The following SRSF9 variants were observed in gnomAD, a reference collection of about 807,000 sequenced individuals.
SRSF9 encodes serine/arginine-rich splicing factor 9.
SRSF9 carries 3 observed loss-of-function variants against 25.9 expected under a neutral mutation model. The observed-to-expected ratio is 0.12, with a 90% CI of 0.05 to 0.30. The LOEUF is 0.30. SRSF9 is among the 10% of genes least tolerant of loss of function. SRSF9 has a pLI of 1.00. For synonymous variants in SRSF9, 114 were observed against 113.2 expected (o/e 1.01, Z -0.05); for missense variants, 161 against 303.5 (o/e 0.53, Z 3.49).
At chr12:120,466,492 T>C (rs1878484981) in intron 1 of SRSF9, among the ~76,000 whole-genome samples, 1 of 151,630 alleles carries the variant, frequency 6.6e-6, no homozygotes, top group Non-Finnish European at 1.5e-5. Flanking sequence ...TAAATAAGGC[T>C]CAAAGGACAA....
At chr12:120,464,875 C>T (rs1251083861) in intron 2 of SRSF9, 1 of 152,078 alleles carries the variant, frequency 6.6e-6, no homozygotes, top group African/African-American at 2.4e-5. Context: ...TGTATGACAT[C>T]CTGAAGGAGG....
At chr12:120,467,507 T>C (rs973942188) in intron 1 of SRSF9, among the ~76,000 whole-genome samples, 1 of 151,980 alleles carries the variant, frequency 6.6e-6, no homozygotes, top group African/African-American at 2.4e-5. Flanking sequence ...TCTCAATAAA[T>C]ACAATAAATA....
rs536589025 is a variant in SRSF9 at position 120,466,245 on chromosome 12, G to A, written c.189-458C>T. On this transcript the variant is annotated intron_variant, in intron 1 of 3. Coordinates refer to ENST00000229390, the MANE Select transcript of SRSF9 (RefSeq NM_003769.3). ...AAGTAGGCGGTTAGCCAGGCATGGT[G>A]TTGCACGCCTGTAGTCCCAGCTACT... Among the ~76,000 whole-genome samples, 18 of 152,306 alleles carry A rather than the reference G, an allele frequency of 1.2e-4. No individual in the cohort carries two copies. The South Asian group carries it at 3.3e-3, about 28-fold the overall frequency.
At chr12:120,469,091 G>A (rs543934112) in intron 1 of SRSF9, among the ~76,000 whole-genome samples, 2 of 152,274 alleles carry the variant, frequency 1.3e-5, no homozygotes, top group South Asian at 4.1e-4. Flanking sequence ...TCCCCCTACG[G>A]TGCTGCCCCA....
At chr12:120,467,467 C>T (rs1483856210) in intron 1 of SRSF9, among the ~76,000 whole-genome samples, 1 of 151,874 alleles carries the variant, frequency 6.6e-6, no homozygotes, top group Non-Finnish European at 1.5e-5. Context: ...TGCCGCTACA[C>T]TCCAGCCTGC....
Position 120,469,702 on chromosome 12 carries a change from G to A in SRSF9, c.-93C>T, listed in dbSNP as rs1878594981. On this transcript the variant is annotated 5_prime_UTR_variant, in exon 1 of 4. Transcript: ENST00000229390. ...CCGCAGCGTCCCCGCGGGCTCCGAG[G>A]CGCTCAGCCGCACTGCATTGTGGGA... 7.7e-6 allele frequency: 6 copies of A among 778,620 alleles called. No homozygotes were observed. The highest frequency in any genetic ancestry group is 3.4e-6 in the Non-Finnish European group (2 of 593,354). 48.2% of individuals were successfully genotyped at this position (778,620 alleles called of 1,614,324 possible). A position where few individuals can be genotyped will look rare whatever the true frequency, so the allele number is the denominator to read the frequency against.
rs544020922 is a variant in SRSF9, at chr12:120,469,469, G to A, written c.141C>T (p.Asn47=). ...AGGCGAAGGGCACGAGGCCGTGCCG[G>A]TTCTTGAGCTCGATCTCGCGGATGC... ...YGRIREIELK[N]RHGLVPFAFV... Residue 47 remains asparagine, a synonymous_variant, in exon 1 of 4, where the codon AAC becomes AAT. Transcript: ENST00000229390. The A allele has an allele frequency of 1.9e-6, 3 of 1,599,972 alleles. No homozygotes were observed. Among genetic ancestry groups the A allele is most frequent in the Admixed American group, 1.7e-5 (1 of 58,556 alleles).
intron 2 of SRSF9, 148 bp downstream of exon 2, chr12:120,465,479 C>T: frequency 1.2e-6 from 1 of 802,774 alleles, no homozygotes; most frequent in Non-Finnish European, 1.8e-6. Flanking sequence ...TCCTCATTGG[C>T]AATCCAGGGC....
chr12:120,465,875 G>C (rs1347834979), intron 1 of SRSF9, 88 bp from the exon 2 acceptor site: 1 of 1,315,040 alleles, frequency 7.6e-7, no homozygotes, highest in Non-Finnish European at 1.0e-6. Flanking sequence ...GGCATGAGTA[G>C]TAAGCATAAA....
Position 120,469,625 on chromosome 12 carries a change from C to T in SRSF9, c.-16G>A. On this transcript the variant is annotated 5_prime_UTR_variant, in exon 1 of 4. Coordinates refer to ENST00000229390, the MANE Select transcript of SRSF9 (RefSeq NM_003769.3). ...AGCCCGACATCCGCACCGCCCGACG[C>T]CGCGGGCCCGCCGCAGCCCACGTCG... is the stretch of plus-strand genomic sequence containing the variant. 7.4e-7 allele frequency: 1 copy of T among 1,360,002 alleles called. No homozygotes were observed. Among genetic ancestry groups the T allele is most frequent in the Non-Finnish European group, 9.4e-7 (1 of 1,058,930 alleles). 84.2% of individuals were successfully genotyped at this position (1,360,002 alleles called of 1,614,324 possible).
intron 1 of SRSF9, 94 bp downstream of exon 1, chr12:120,469,328 G>A (rs1384818592): frequency 2.3e-6 from 2 of 855,126 alleles, no homozygotes; most frequent in East Asian, 6.6e-5. Flanking sequence ...GGGGAGGGGA[G>A]GCCGGGGGGA....
chr12:120,466,252 G>A (rs115772354), intron 1 of SRSF9, among the ~76,000 whole-genome samples: 4 of 152,112 alleles, frequency 2.6e-5, no homozygotes, highest in East Asian at 1.9e-4. Context: ...GGTGTTGCAC[G>A]CCTGTAGTCC....
chr12:120,466,017 T>C (rs1206366511), intron 1 of SRSF9, among the ~76,000 whole-genome samples: 1 of 152,112 alleles, frequency 6.6e-6, no homozygotes, highest in Non-Finnish European at 1.5e-5. Context: ...GGTATGAAAT[T>C]ATAATGAATG....
chr12:120,464,194 C>T, intron 2 of SRSF9, 72 bp from the exon 3 acceptor site: 1 of 1,507,040 alleles, frequency 6.6e-7, no homozygotes, highest in Non-Finnish European at 8.9e-7. Context: ...GCCAGCAATA[C>T]CTATGGTCCT....
intron 3 of SRSF9, 25 bp from the exon 4 acceptor site, chr12:120,462,187 G>A (rs771859336): frequency 6.3e-7 from 1 of 1,586,152 alleles, no homozygotes. Context: ...AAAACAAAAA[G>A]AGTAAAGGGG....
intron 2 of SRSF9, 140 bp from the exon 3 acceptor site, chr12:120,464,262 A>G (rs1026408242): frequency 2.1e-6 from 2 of 971,456 alleles, no homozygotes; most frequent in Non-Finnish European, 3.0e-6. Flanking sequence ...GATAAGGGAC[A>G]TGAAATCAGA....
At chr12:120,467,433 G>T (rs377433954) in intron 1 of SRSF9, among the ~76,000 whole-genome samples, 1 of 152,034 alleles carries the variant, frequency 6.6e-6, no homozygotes, top group Admixed American at 6.5e-5. Context: ...CCCAGGAGGC[G>T]AAGGTTGCAG....
intron 3 of SRSF9, chr12:120,463,088 T>C (rs747008018): frequency 6.6e-6 from 1 of 150,834 alleles, no homozygotes; most frequent in African/African-American, 2.5e-5. Flanking sequence ...GTAAATCTCA[T>C]AGTAAGGCAG....
chr12:120,469,349 G>A lies in SRSF9; in HGVS notation c.188+73C>T, dbSNP rs570973369. The A allele has an allele frequency of 3.3e-6, 4 of 1,199,758 alleles. No individual in the cohort carries two copies. The African/African-American group carries it at 4.7e-5, about 14-fold the overall frequency. The allele number at this position is 1,199,758 out of a possible 1,614,324, so 74.3% of individuals were successfully genotyped here. A position where few individuals can be genotyped will look rare whatever the true frequency, so the allele number is the denominator to read the frequency against. On this transcript the variant is annotated intron_variant, in intron 1 of 3. Transcript: ENST00000229390. Reference sequence around the variant, plus strand: ...GGGAGGCCGGGGGGAGGGGAGCCCTGGGGGAGGGGACAGCAGGGAAGGCGG... The same window carrying A: ...GGGAGGCCGGGGGGAGGGGAGCCCTAGGGGAGGGGACAGCAGGGAAGGCGG...
Sources: allele counts gnomAD v4.1 joint callset (sites outside exome capture counted in the v4.1 genomes callset), GRCh38; gene constraint gnomAD v4.1.1; transcripts MANE v1.5; gene names NCBI Gene and HGNC (gene_info 2026-07-23, HGNC 2026-07-21).